Variants in HERC3 observed in about 807,000 individuals in gnomAD.
HERC3 encodes the protein HECT and RLD domain containing E3 ubiquitin protein ligase 3, also known as probable E3 ubiquitin-protein ligase HERC3.
In HERC3, 58 loss-of-function variants were observed where a neutral mutation model predicts 129.9. The observed-to-expected ratio is 0.45, with a 90% CI of 0.36 to 0.56. The LOEUF (loss-of-function observed/expected upper bound fraction) is 0.56, where lower values mean the gene tolerates loss of function less well. HERC3 is among the 20% of genes least tolerant of loss of function. HERC3 has a pLI of 0.00. For synonymous variants in HERC3, 430 were observed against 451.0 expected, an observed-to-expected ratio of 0.95 and a Z score of 0.59; for missense variants, 835 against 1,244.2, an observed-to-expected ratio of 0.67 and a Z score of 4.95.
intron 5 of HERC3, 84 bp from the exon 6 acceptor site, chr4:88,652,785 G>A (rs2149273316): frequency 7.1e-7 from 1 of 1,405,580 alleles, no homozygotes; most frequent in African/African-American, 1.4e-5. Flanking sequence ...GGGGGCAACT[G>A]GCAAATGACC....
chr4:88,683,742 C>CT (rs1196440519), intron 21 of HERC3, among the ~76,000 whole-genome samples: 2 of 152,098 alleles, frequency 1.3e-5, no homozygotes, highest in African/African-American at 4.8e-5. Context: ...TTTAAGAGTA[C>CT]TTTTTTTCAT....
At chr4:88,617,227 A>G (rs2149214776) in intron 3 of HERC3, among the ~76,000 whole-genome samples, 1 of 151,102 alleles carries the variant, frequency 6.6e-6, no homozygotes, top group Middle Eastern at 3.4e-3. Flanking sequence ...CTCTGAGGAC[A>G]AGTCACAACA....
At chr4:88,561,298 C>T in the HERC3 span, among the ~76,000 whole-genome samples, 1 of 152,028 alleles carries the variant, frequency 6.6e-6, no homozygotes, top group Non-Finnish European at 1.5e-5. Context: ...GGAACCTGTG[C>T]ATAATAGGAA....
At chr4:88,654,456 A>ATT (rs1189087542) in intron 7 of HERC3, among the ~76,000 whole-genome samples, 1 of 145,602 alleles carries the variant, frequency 6.9e-6, no homozygotes, top group African/African-American at 2.5e-5. Flanking sequence ...AAAAATGTAG[A>ATT]TTATATATAT....
Position 88,655,952 on chromosome 4 carries a change from C to G in HERC3, c.986C>G (p.Thr329Ser). ...TGTGGAGCAAGAGGTCAATTAGGAA[C>G]TGGGCACACTTGTAATGTTAAGTGC... Reference protein sequence around the residue: ...FGCGARGQLGTGHTCNVKCPS... With the variant: ...FGCGARGQLGSGHTCNVKCPS... The change falls in exon 9 of 26, where the codon ACT becomes AGT. Residue 329 changes from threonine (T) to serine (S), a missense_variant. Thr to Ser is a moderately conservative substitution (Grantham distance 58, BLOSUM62 1). Coordinates refer to ENST00000402738, the MANE Select transcript of HERC3 (RefSeq NM_014606.3). 1 of 1,614,092 alleles carries G rather than the reference C, an allele frequency of 6.2e-7. No individual in the cohort carries two copies. Among genetic ancestry groups the G allele is most frequent in the Non-Finnish European group, 8.5e-7 (1 of 1,179,922 alleles).
In HERC3 at chr4:88,652,960, G is replaced by T; in HGVS notation, c.555G>T (p.Arg185Ser). Residue 185 changes from arginine (R) to serine (S), a missense_variant, in exon 6 of 26, where the codon AGG (arginine) becomes AGT (serine). Physicochemically the swap from Arg to Ser is moderately radical, Grantham distance 110. Coordinates refer to ENST00000402738, the MANE Select transcript of HERC3 (RefSeq NM_014606.3). Reference protein sequence around the residue: ...FPSQASPQRVRSLEGIPLAQV... With the variant: ...FPSQASPQRVSSLEGIPLAQV... ...CCCAAGCCAGCCCACAGAGGGTGAG[G>T]TCCCTGGAGGGGATCCCACTGGCTC... 1 of 1,614,156 alleles carries T rather than the reference G, an allele frequency of 6.2e-7. No individual in the cohort carries two copies. Among genetic ancestry groups the T allele is most frequent in the South Asian group, 1.1e-5 (1 of 91,082 alleles).
intron 3 of HERC3, among the ~76,000 whole-genome samples, chr4:88,624,993 T>C (rs1299281318): frequency 6.6e-6 from 1 of 152,190 alleles, no homozygotes; most frequent in Admixed American, 6.5e-5. Context: ...CTGGAACCTA[T>C]GGAAGACAGT....
chr4:88,603,748 C>T (rs114884209), intron 2 of HERC3, among the ~76,000 whole-genome samples: 2,110 of 152,268 alleles, frequency 0.014, 51 homozygotes, highest in African/African-American at 0.047. Context: ...GATAAAGCTT[C>T]CCCTCTTATG....
chr4:88,565,895 G>C, the HERC3 span, among the ~76,000 whole-genome samples: 1 of 151,718 alleles, frequency 6.6e-6, no homozygotes, highest in Admixed American at 6.6e-5. Flanking sequence ...GATTTTCTCT[G>C]GTGGTATATT....
rs2149278804 is a variant in HERC3, at chr4:88,655,882, A to T, written c.916A>T (p.Thr306Ser). The change falls in exon 9 of 26, where the codon ACC becomes TCC. Residue 306 changes from threonine (T) to serine (S), a missense_variant. Coordinates refer to ENST00000402738, the MANE Select transcript of HERC3 (RefSeq NM_014606.3). ...TAAATTATTTTTTCACAGACAACAT[A>T]CCCTAGCCTTCGTGCCTTCTTCTGG... is the stretch of plus-strand genomic sequence containing the variant. Reference protein sequence around the residue: ...VTQIACGRQHTLAFVPSSGLI... With the variant: ...VTQIACGRQHSLAFVPSSGLI... 1 of 1,612,240 alleles carries T rather than the reference A, an allele frequency of 6.2e-7. No individual in the cohort carries two copies. The highest frequency in any genetic ancestry group is 1.1e-5 in the South Asian group (1 of 90,986).
chr4:88,661,468 G>A (rs138227496), intron 10 of HERC3, among the ~76,000 whole-genome samples: 188 of 152,192 alleles, frequency 1.2e-3, no homozygotes, highest in African/African-American at 4.0e-3. Flanking sequence ...TTATGTGTAG[G>A]TACAAAGGAG....
rs188012333 is a variant in HERC3 at position 88,595,766 on chromosome 4, A to G, written c.-30+152A>G. ...AATCTCAGTGCCTTCCTGCTGCTCTAAGATAGTGAAGAGAACAAGGTGAGC... is the reference window on the plus strand; with the variant it reads ...AATCTCAGTGCCTTCCTGCTGCTCTGAGATAGTGAAGAGAACAAGGTGAGC... On this transcript the variant is annotated intron_variant, in intron 2 of 25. Transcript: ENST00000402738. Among the ~76,000 whole-genome samples, 274 of 151,928 alleles carry G rather than the reference A, an allele frequency of 1.8e-3. 1 individual carries two copies. The highest frequency in any genetic ancestry group is 0.011 in the South Asian group (52 of 4,810).
chr4:88,637,833 A>G (rs920364018), intron 3 of HERC3, among the ~76,000 whole-genome samples: 3 of 152,124 alleles, frequency 2.0e-5, no homozygotes, highest in Non-Finnish European at 4.4e-5. Flanking sequence ...AAAATTAATA[A>G]AATAGACCAC....
chr4:88,602,602 C>G (rs1723132100), intron 2 of HERC3, among the ~76,000 whole-genome samples: 1 of 151,940 alleles, frequency 6.6e-6, no homozygotes, highest in Non-Finnish European at 1.5e-5. Context: ...CCCAGCACCC[C>G]AAGTAGCTGG....
At position 88,664,228 on chromosome 4, in the gene HERC3, C is replaced by T. The variant is rs748398520; in HGVS notation, c.1331+16C>T. On this transcript the variant is annotated intron_variant, in intron 12 of 25. Transcript: ENST00000402738. ...TTGAAAAAAAGTAAGTGACTTAGAG[C>T]CTTAAAAAACCCTCACGTGTACCTG... The T allele has an allele frequency of 1.2e-6, 2 of 1,600,970 alleles. No homozygotes were observed. Among genetic ancestry groups the T allele is most frequent in the Non-Finnish European group, 1.7e-6 (2 of 1,168,778 alleles).
chr4:88,666,795 A>G (rs1014220691), intron 12 of HERC3, among the ~76,000 whole-genome samples: 2 of 152,232 alleles, frequency 1.3e-5, no homozygotes, highest in Non-Finnish European at 2.9e-5. Context: ...TGGCAATGAA[A>G]TTAGTCCTTG....
chr4:88,532,631 C>T, the HERC3 span, among the ~76,000 whole-genome samples: 1 of 152,170 alleles, frequency 6.6e-6, no homozygotes, highest in Admixed American at 6.5e-5. Context: ...AACTAGGCAT[C>T]CCTCAGCTCA....
chr4:88,646,550 A>G (rs910484222), intron 3 of HERC3, among the ~76,000 whole-genome samples: 1 of 152,236 alleles, frequency 6.6e-6, no homozygotes, highest in African/African-American at 2.4e-5. Context: ...GTGTTTAGTT[A>G]TTTTAATGTG....
chr4:88,654,349 C>CATATATATATAT (rs869126362), intron 7 of HERC3, among the ~76,000 whole-genome samples: 21 of 70,924 alleles, frequency 3.0e-4, no homozygotes, highest in South Asian at 1.1e-3. Flanking sequence ...GTAGATTTTT[C>CATATATATATAT]ATATATATAT....
Sources: allele counts gnomAD v4.1 joint callset (sites outside exome capture counted in the v4.1 genomes callset), GRCh38; gene constraint gnomAD v4.1.1; transcripts MANE v1.5; gene names NCBI Gene and HGNC (gene_info 2026-07-23, HGNC 2026-07-21).